BANP: variants seen among roughly 807,000 people sequenced by gnomAD.
BANP encodes protein BANP.
A neutral mutation model predicts 68.1 loss-of-function variants in BANP; 11 were observed. The ratio of observed to expected loss-of-function variants is 0.16; its 90% CI spans 0.10 to 0.27. The LOEUF (loss-of-function observed/expected upper bound fraction) is 0.27. BANP is among the 10% of genes least tolerant of loss of function. The pLI, the probability that BANP is intolerant of heterozygous loss-of-function variation, is 1.00. For missense variants in BANP, 504 were observed against 722.7 expected (o/e 0.70, Z 3.47); for synonymous variants, 329 against 303.2 (o/e 1.09, Z -0.88).
chr16:88,033,969 G>A (rs181970496), intron 9 of BANP, among the ~76,000 whole-genome samples: 1 of 152,294 alleles, frequency 6.6e-6, no homozygotes, highest in East Asian at 1.9e-4. Context: ...ACTAGACCTC[G>A]CCTATGTTTT....
At position 88,003,361 on chromosome 16, in the gene BANP, TGCAGATCACAGAAAG is replaced by T; in HGVS notation, c.363-929_363-915del. On this transcript the variant is annotated intron_variant, in intron 4 of 13. Transcript: ENST00000682872. This position sits in a 1 kb window ranked among gnomAD's most constrained non-coding sequence, Gnocchi z 6.1. ...TGATACTAGGCTAGAATTTCCTATG[TGCAGATCACAGAAAG>T]GCAGGCTTCCCAGGTTGGTTTTTGG... 2.3e-6 allele frequency: 1 copy of T among 443,592 alleles called. No individual in the cohort carries two copies. Among genetic ancestry groups the T allele is most frequent in the Non-Finnish European group, 4.5e-6 (1 of 220,354 alleles). 27.5% of individuals were successfully genotyped at this position (443,592 alleles called of 1,614,324 possible).
chr16:87,977,653 G>T (rs1475097459), intron 2 of BANP, among the ~76,000 whole-genome samples: 1 of 152,206 alleles, frequency 6.6e-6, no homozygotes, highest in Admixed American at 6.5e-5. Flanking sequence ...TAATTCTACT[G>T]GTTGTAGCAG....
At chr16:87,983,472 A>G (rs1325837015) in intron 3 of BANP, among the ~76,000 whole-genome samples, 3 of 151,990 alleles carry the variant, frequency 2.0e-5, no homozygotes, top group Non-Finnish European at 2.9e-5. Context: ...CTCACTGGTT[A>G]CTTGGAGTTA....
rs749514648 is a variant in BANP, at chr16:88,035,338, C to T, written c.1216C>T (p.Leu406Phe). ...CTTGCTGCGGATCCCACAGGGACACCTCCACATCGCCCAGGTGCCGCAGGG... is the reference window on the plus strand; with the variant it reads ...CTTGCTGCGGATCCCACAGGGACACTTCCACATCGCCCAGGTGCCGCAGGG... ...GQVQVIPQGHLHIAQVPQGEQ... is the reference protein window; with the variant it reads ...GQVQVIPQGHFHIAQVPQGEQ... Residue 406 changes from leucine (L) to phenylalanine (F), a missense_variant, in exon 10 of 14, where the codon CTC becomes TTC. Around this residue, in one of 3 missense-constraint regions of BANP, gnomAD observed 223 missense variants for 246.2 expected, o/e 0.91. Transcript: ENST00000682872. The T allele has an allele frequency of 4.3e-6, 7 of 1,611,394 alleles. No individual in the cohort carries two copies. Among genetic ancestry groups the T allele is most frequent in the Non-Finnish European group, 5.9e-6 (7 of 1,179,152 alleles).
At chr16:88,050,897 G>C (rs922741071) in intron 11 of BANP, among the ~76,000 whole-genome samples, 1 of 152,066 alleles carries the variant, frequency 6.6e-6, no homozygotes, top group Non-Finnish European at 1.5e-5. Context: ...CTGTTGCACA[G>C]ACTGGTCTCA....
intron 4 of BANP, among the ~76,000 whole-genome samples, chr16:87,996,733 C>G (rs1296725930): frequency 2.0e-5 from 3 of 152,262 alleles, no homozygotes; most frequent in Non-Finnish European, 4.4e-5. Context: ...TCCCGTCCTT[C>G]CCTCCTCCCT....
Position 88,058,728 on chromosome 16 carries a change from A to G in BANP, c.1312-6539A>G, listed in dbSNP as rs556819251. ...CCATGGGACTGGGAGGTTGTAATTA[A>G]GAAGCAACTCGGACCCATGGCTGCT... On this transcript the variant is annotated intron_variant, in intron 11 of 13. Coordinates refer to ENST00000682872, the MANE Select transcript of BANP (RefSeq NM_001386991.1). 4.8e-5 allele frequency among the ~76,000 whole-genome samples: 4 copies of G among 83,398 alleles called. No homozygotes were observed. The South Asian group carries it at 1.0e-3, about 22-fold the overall frequency. The allele number at this position is 83,398 out of a possible 152,430, so 54.7% of individuals were successfully genotyped here. A position where few individuals can be genotyped will look rare whatever the true frequency, so the allele number is the denominator to read the frequency against.
Position 88,036,435 on chromosome 16 carries a change from G to A in BANP, c.1272+1041G>A, listed in dbSNP as rs1041842294. Among the ~76,000 whole-genome samples, 4 of 152,148 alleles carry A rather than the reference G, an allele frequency of 2.6e-5. No individual in the cohort carries two copies. Among genetic ancestry groups the A allele is most frequent in the African/African-American group, 7.2e-5 (3 of 41,418 alleles). ...AGGAGAGAGAAGCCCTGCCATCGGG[G>A]ACTCACAGCGGGCGCAGAGCCTCCT... On this transcript the variant is annotated intron_variant, in intron 10 of 13. Transcript: ENST00000682872. This position sits in a 1 kb window ranked among gnomAD's most constrained non-coding sequence, Gnocchi z 4.2.
In BANP at chr16:87,951,514, C is replaced by G. The variant is rs955870600; in HGVS notation, c.-70C>G. On this transcript the variant is annotated splice_region_variant and 5_prime_UTR_variant, in exon 1 of 14. Transcript: ENST00000682872. ...CACCACGAGAATTCCGCAGCCCACA[C>G]GGTAATTGCAGCTCCCGCAGCCGGT... 6.5e-6 allele frequency: 1 copy of G among 152,888 alleles called. No individual in the cohort carries two copies. Among genetic ancestry groups the G allele is most frequent in the African/African-American group, 2.4e-5 (1 of 41,382 alleles). 9.5% of individuals were successfully genotyped at this position (152,888 alleles called of 1,614,324 possible).
At chr16:87,997,413 C>G (rs1303857105) in intron 4 of BANP, among the ~76,000 whole-genome samples, 1 of 152,292 alleles carries the variant, frequency 6.6e-6, no homozygotes, top group Non-Finnish European at 1.5e-5. Context: ...AACACAGGTT[C>G]TGTCACCAAT....
In BANP at chr16:88,018,707, G is replaced by T. The variant is rs1445632010; in HGVS notation, c.895+40G>T. 6.5e-7 allele frequency: 1 copy of T among 1,536,698 alleles called. No homozygotes were observed. Among genetic ancestry groups the T allele is most frequent in the Non-Finnish European group, 8.8e-7 (1 of 1,137,436 alleles). On this transcript the variant is annotated intron_variant, in intron 7 of 13. Coordinates refer to ENST00000682872, the MANE Select transcript of BANP (RefSeq NM_001386991.1). This position sits in a 1 kb window ranked among gnomAD's most constrained non-coding sequence, Gnocchi z 7.7. Reference sequence around the variant, plus strand: ...GCCTTGGGGGACTGGGGTGTGCGGGGAGCTGGGTCAGGACCCACATTTCAA... The same window carrying T: ...GCCTTGGGGGACTGGGGTGTGCGGGTAGCTGGGTCAGGACCCACATTTCAA...
At chr16:87,980,797 G>C (rs2063110842) in intron 2 of BANP, 1 of 491,792 alleles carries the variant, frequency 2.0e-6, no homozygotes, top group Non-Finnish European at 3.7e-6. Flanking sequence ...TTGCAGGTTT[G>C]GAGTTAGGAC....
At chr16:88,075,133 G>C (rs944956206) in intron 13 of BANP, among the ~76,000 whole-genome samples, 1 of 152,028 alleles carries the variant, frequency 6.6e-6, no homozygotes, top group Non-Finnish European at 1.5e-5. Context: ...ATCACCTGAG[G>C]TCAGGAGTTC....
chr16:88,059,817 G>A (rs1252223875), intron 11 of BANP, among the ~76,000 whole-genome samples: 4 of 152,226 alleles, frequency 2.6e-5, no homozygotes, highest in African/African-American at 4.8e-5. Context: ...GTGTGAGACC[G>A]CATGGTCATG....
intron 11 of BANP, among the ~76,000 whole-genome samples, chr16:88,042,702 G>GA (rs2152788816): frequency 6.6e-6 from 1 of 152,288 alleles, no homozygotes; most frequent in South Asian, 2.1e-4. Context: ...AGGATCGCTT[G>GA]AGCCCAGGAG....
chr16:88,053,602 A>C (rs1598912647), intron 11 of BANP, among the ~76,000 whole-genome samples: 2 of 132,198 alleles, frequency 1.5e-5, no homozygotes, highest in African/African-American at 3.0e-5. Flanking sequence ...CAACACAACC[A>C]CCCTAACGAC....
intron 11 of BANP, among the ~76,000 whole-genome samples, chr16:88,046,348 G>T (rs1399860749): frequency 6.6e-6 from 1 of 152,178 alleles, no homozygotes; most frequent in African/African-American, 2.4e-5. Context: ...ACCTTTTAAA[G>T]CAGGTCATCT....
intron 10 of BANP, chr16:88,037,565 G>A (rs1223854376): frequency 1.0e-5 from 2 of 194,728 alleles, no homozygotes; most frequent in Non-Finnish European, 2.1e-5. Flanking sequence ...CGTGCAGCCC[G>A]TGACCTGGCG....
At chr16:87,985,929 G>A (rs1181586249) in intron 4 of BANP, among the ~76,000 whole-genome samples, 3 of 152,364 alleles carry the variant, frequency 2.0e-5, no homozygotes, top group South Asian at 2.1e-4. Flanking sequence ...AATGTTTTGT[G>A]TGTAAATGTT....
Sources: gnomAD v4.1 joint callset for allele counts (sites outside exome capture counted in the v4.1 genomes callset) on GRCh38, gnomAD v4.1.1 for gene constraint, gnomAD v4.1.1 regional missense constraint, Gnocchi (gnomAD v3.1) non-coding constraint, MANE v1.5 for transcripts, NCBI Gene and HGNC (gene_info 2026-07-23, HGNC 2026-07-21) for gene names.